The following AGAP1 variants were observed in gnomAD, a reference collection of about 807,000 sequenced individuals.
AGAP1 encodes ArfGAP with GTPase domain, ankyrin repeat and PH domain 1, also known as arf-GAP with GTPase, ANK repeat and PH domain-containing protein 1.
AGAP1 carries 29 observed loss-of-function variants against 105.3 expected under a neutral mutation model. The ratio of observed to expected loss-of-function variants is 0.28; its 90% confidence interval spans 0.21 to 0.38. AGAP1 has a LOEUF of 0.38. Among genes scored for constraint, AGAP1 ranks in the 10% least tolerant of loss-of-function variants. AGAP1 has a pLI of 1.00. For missense variants in AGAP1, 998 were observed against 1,165.1 expected (o/e 0.86, Z 2.09); for synonymous variants, 509 against 485.9 (o/e 1.05, Z -0.63).
At position 235,875,035 on chromosome 2, in the gene AGAP1, T is replaced by A. The variant is rs1366353540; in HGVS notation, c.1051-8310T>A. On this transcript the variant is annotated intron_variant, in intron 9 of 17. Transcript: ENST00000304032. This position sits in a 1 kb window ranked among gnomAD's most constrained non-coding sequence, Gnocchi z 4.0. Reference sequence around the variant, plus strand: ...ACTAGAACTGGTTGAAGACTGAGTTTTGGGAGAAGAACCCTGGAGGCCAAA... The same window carrying A: ...ACTAGAACTGGTTGAAGACTGAGTTATGGGAGAAGAACCCTGGAGGCCAAA... 2.0e-5 allele frequency among the ~76,000 whole-genome samples: 3 copies of A among 152,150 alleles called. No individual in the cohort carries two copies. The highest frequency in any genetic ancestry group is 4.4e-5 in the Non-Finnish European group (3 of 68,032).
In AGAP1 at chr2:235,936,409, G is replaced by A. The variant is rs1038264725; in HGVS notation, c.1483+5486G>A. The stretch of plus-strand genomic sequence containing the variant: ...TAAAGCAGCCGATCCTCAATGGAAA[G>A]CATTTGAGTTTTTGCCAGCTTTTAA... On this transcript the variant is annotated intron_variant, in intron 12 of 17. Coordinates refer to ENST00000304032, the MANE Select transcript of AGAP1 (RefSeq NM_001037131.3). This position sits in a 1 kb window ranked among gnomAD's most constrained non-coding sequence, Gnocchi z 4.7. 5.3e-5 allele frequency among the ~76,000 whole-genome samples: 8 copies of A among 152,196 alleles called. No homozygotes were observed. Among genetic ancestry groups the A allele is most frequent in the African/African-American group, 1.9e-4 (8 of 41,438 alleles).
intron 9 of AGAP1, among the ~76,000 whole-genome samples, chr2:235,808,173 A>G (rs2150096782): frequency 1.3e-5 from 2 of 152,308 alleles, no homozygotes; most frequent in South Asian, 4.1e-4. Context: ...AAAGAAAGCC[A>G]ATTGATTTAG....
intron 6 of AGAP1, among the ~76,000 whole-genome samples, chr2:235,758,506 G>A (rs1050662684): frequency 5.3e-5 from 8 of 151,720 alleles, no homozygotes; most frequent in African/African-American, 1.2e-4. Flanking sequence ...CACTGTCCCC[G>A]TCTCTACACC....
rs568552498 is a variant in AGAP1 at position 236,014,776 on chromosome 2, C to G, written c.1646-21785C>G. The G allele has an allele frequency of 4.7e-4, 201 of 426,178 alleles. No individual in the cohort carries two copies. Among genetic ancestry groups the G allele is most frequent in the Non-Finnish European group, 7.1e-4 (151 of 211,958 alleles). 26.4% of individuals were successfully genotyped at this position (426,178 alleles called of 1,614,324 possible). A position where few individuals can be genotyped will look rare whatever the true frequency, so the allele number is the denominator to read the frequency against. Reference sequence around the variant, plus strand: ...TCCTTTTTGTTTTCTCTCTTTTTCCCCTCTCCCCTTTCTGCTCTCGGGATG... The same window carrying G: ...TCCTTTTTGTTTTCTCTCTTTTTCCGCTCTCCCCTTTCTGCTCTCGGGATG... On this transcript the variant is annotated intron_variant, in intron 13 of 17. Transcript: ENST00000304032. The surrounding 1 kb of genome is among the most constrained non-coding windows in gnomAD (Gnocchi z 6.3).
Position 236,044,182 on chromosome 2 carries a change from G to A in AGAP1, c.1891+3341G>A, listed in dbSNP as rs1022245641. 1.3e-5 allele frequency among the ~76,000 whole-genome samples: 2 copies of A among 152,178 alleles called. No homozygotes were observed. Among genetic ancestry groups the A allele is most frequent in the African/African-American group, 4.8e-5 (2 of 41,446 alleles). ...GAAGTTGCAGCCTTCGGACACCTGT[G>A]CTTCCGGGGAGTACTGCTCTGAAGC... On this transcript the variant is annotated intron_variant, in intron 15 of 17. Coordinates refer to ENST00000304032, the MANE Select transcript of AGAP1 (RefSeq NM_001037131.3). The surrounding 1 kb of genome is among the most constrained non-coding windows in gnomAD (Gnocchi z 5.7).
chr2:235,966,112 G>T (rs995509613), intron 12 of AGAP1, among the ~76,000 whole-genome samples: 1 of 147,750 alleles, frequency 6.8e-6, no homozygotes, highest in African/African-American at 2.5e-5. Flanking sequence ...TCTGGGGATG[G>T]AGGAGAGGGG....
intron 13 of AGAP1, among the ~76,000 whole-genome samples, chr2:235,995,324 G>C (rs1221052804): frequency 6.6e-6 from 1 of 151,900 alleles, no homozygotes; most frequent in Non-Finnish European, 1.5e-5. Context: ...AGACCAGCCT[G>C]GCCAACATGG....
chr2:235,839,543 G>A (rs561782959), intron 9 of AGAP1, among the ~76,000 whole-genome samples: 14 of 152,306 alleles, frequency 9.2e-5, no homozygotes, highest in Admixed American at 7.8e-4. Flanking sequence ...AGCTATGATC[G>A]CACTGCTGCA....
intron 16 of AGAP1, among the ~76,000 whole-genome samples, chr2:236,103,914 C>T (rs1168746451): frequency 6.6e-6 from 1 of 152,228 alleles, no homozygotes; most frequent in Non-Finnish European, 1.5e-5. Context: ...GGCTCCTGTC[C>T]CCACCCTGCC....
At chr2:235,661,890 T>A (rs1181532694) in intron 1 of AGAP1, among the ~76,000 whole-genome samples, 1 of 151,804 alleles carries the variant, frequency 6.6e-6, no homozygotes, top group Non-Finnish European at 1.5e-5. Context: ...CAGCTCTGAG[T>A]TGGGATGGAA....
chr2:235,542,051 G>T (rs907899959), intron 1 of AGAP1, among the ~76,000 whole-genome samples: 2 of 152,226 alleles, frequency 1.3e-5, no homozygotes, highest in African/African-American at 4.8e-5. Context: ...CCTAAGTTGT[G>T]AATGATCAGG....
rs944838694 is a variant in AGAP1 at position 236,046,868 on chromosome 2, C to T, written c.1892-2191C>T. Among the ~76,000 whole-genome samples the T allele has an allele frequency of 6.6e-6, 1 of 152,210 alleles. No homozygotes were observed. The highest frequency in any genetic ancestry group is 1.5e-5 in the Non-Finnish European group (1 of 68,044). On this transcript the variant is annotated intron_variant, in intron 15 of 17. Transcript: ENST00000304032. The surrounding 1 kb of genome is among the most constrained non-coding windows in gnomAD (Gnocchi z 5.2). ...TTAGCACTGGCCCAGCACAGTGGCTCATGCCTGTAATCCCAACACTTTGGG... is the reference window on the plus strand; with the variant it reads ...TTAGCACTGGCCCAGCACAGTGGCTTATGCCTGTAATCCCAACACTTTGGG...
intron 1 of AGAP1, among the ~76,000 whole-genome samples, chr2:235,510,850 C>T (rs929948982): frequency 2.0e-5 from 3 of 152,026 alleles, no homozygotes; most frequent in African/African-American, 7.2e-5. Flanking sequence ...GAAAGAGGTG[C>T]AGACTGAAGA....
intron 1 of AGAP1, among the ~76,000 whole-genome samples, chr2:235,643,811 G>T (rs1322190020): frequency 1.3e-5 from 2 of 152,050 alleles, no homozygotes; most frequent in Admixed American, 6.6e-5. Context: ...ACTTTGTGGG[G>T]GGAAAACAAC....
chr2:235,540,048 G>A (rs925361719), intron 1 of AGAP1, among the ~76,000 whole-genome samples: 6 of 152,004 alleles, frequency 3.9e-5, no homozygotes, highest in Admixed American at 1.3e-4. Context: ...TGGGGAAGGG[G>A]TAGGCAGGAT....
rs1947995141 is a variant in AGAP1 at position 235,662,539 on chromosome 2, C to A, written c.164-46640C>A. ...GTGATTTTTTTTTTTTTTTTTTTGG[C>A]TCTGTTGCCCAGGCTGGATTGCAGT... On this transcript the variant is annotated intron_variant, in intron 1 of 17. Coordinates refer to ENST00000304032, the MANE Select transcript of AGAP1 (RefSeq NM_001037131.3). The surrounding 1 kb of genome is among the most constrained non-coding windows in gnomAD (Gnocchi z 4.2). 7.6e-6 allele frequency among the ~76,000 whole-genome samples: 1 copy of A among 132,218 alleles called. No homozygotes were observed. The highest frequency in any genetic ancestry group is 8.1e-5 in the Admixed American group (1 of 12,288). The allele number at this position is 132,218 out of a possible 152,430, so 86.7% of individuals were successfully genotyped here. A position where few individuals can be genotyped will look rare whatever the true frequency, so the allele number is the denominator to read the frequency against.
chr2:235,818,726 T>A (rs944498041), intron 9 of AGAP1, among the ~76,000 whole-genome samples: 23 of 152,110 alleles, frequency 1.5e-4, no homozygotes, highest in Middle Eastern at 3.2e-3. Flanking sequence ...TACAGGCACA[T>A]GCCACCATGC....
At chr2:235,587,755 TA>T (rs35736390) in intron 1 of AGAP1, among the ~76,000 whole-genome samples, 57,063 of 145,112 alleles carry the variant, frequency 0.39, 11,169 homozygotes, top group Middle Eastern at 0.54. Flanking sequence ...AACTCCGCCT[TA>T]AAAAAAAAAA....
At chr2:235,590,796 C>T (rs1945311960) in intron 1 of AGAP1, among the ~76,000 whole-genome samples, 1 of 141,064 alleles carries the variant, frequency 7.1e-6, no homozygotes. Context: ...TCTCGGCTCA[C>T]TGCAAGCTCT....
Sources: gnomAD v4.1 joint callset for allele counts (sites outside exome capture counted in the v4.1 genomes callset) on GRCh38, gnomAD v4.1.1 for gene constraint, Gnocchi (gnomAD v3.1) non-coding constraint, MANE v1.5 for transcripts, NCBI Gene and HGNC (gene_info 2026-07-23, HGNC 2026-07-21) for gene names.